Variants in FSTL5 observed in about 807,000 individuals in gnomAD.
FSTL5 encodes follistatin-related protein 5.
In FSTL5, 62 loss-of-function variants were observed where a neutral mutation model predicts 89.1. The ratio of observed to expected loss-of-function variants is 0.70; its 90% CI spans 0.57 to 0.86. FSTL5 has a LOEUF of 0.86. Among genes scored for constraint, FSTL5 ranks in the 40% least tolerant of loss-of-function variants. The pLI is 0.00. For missense variants in FSTL5, 1,057 were observed against 1,001.6 expected (o/e 1.06, Z -0.75); for synonymous variants, 383 against 346.2 (o/e 1.11, Z -1.18).
intron 7 of FSTL5, among the ~76,000 whole-genome samples, chr4:161,641,740 T>G (rs1322540383): frequency 6.6e-6 from 1 of 152,282 alleles, no homozygotes; most frequent in Non-Finnish European, 1.5e-5. Flanking sequence ...TCTGCCCGCC[T>G]TGGCCTCCCA....
chr4:162,002,606 A>T (rs1736497366), intron 3 of FSTL5, among the ~76,000 whole-genome samples: 2 of 152,242 alleles, frequency 1.3e-5, no homozygotes, highest in Admixed American at 1.3e-4. Context: ...GAGGAATGCT[A>T]GTTTCTAGTT....
intron 4 of FSTL5, among the ~76,000 whole-genome samples, chr4:161,875,013 C>T (rs1351058260): frequency 1.3e-5 from 2 of 152,082 alleles, no homozygotes; most frequent in Non-Finnish European, 2.9e-5. Context: ...AACTTTTGTT[C>T]TTTCATCACA....
At chr4:162,090,810 A>AAC (rs750164662) in intron 2 of FSTL5, among the ~76,000 whole-genome samples, 56 of 151,114 alleles carry the variant, frequency 3.7e-4, no homozygotes, top group East Asian at 2.7e-3. Context: ...CAGAGCCAGA[A>AAC]ACACACACAC....
chr4:161,644,534 A>AAG (rs1736078825), intron 7 of FSTL5, among the ~76,000 whole-genome samples: 1 of 152,060 alleles, frequency 6.6e-6, no homozygotes, highest in Non-Finnish European at 1.5e-5. Context: ...CTCAAAAAAA[A>AAG]AAAAAAGAAC....
At chr4:162,008,944 G>A (rs2111125108) in intron 3 of FSTL5, among the ~76,000 whole-genome samples, 1 of 152,078 alleles carries the variant, frequency 6.6e-6, no homozygotes, top group African/African-American at 2.4e-5. Context: ...ATACTTAACT[G>A]TGTAGACAAA....
At chr4:161,585,683 T>C (rs1733588897) in intron 8 of FSTL5, among the ~76,000 whole-genome samples, 1 of 151,144 alleles carries the variant, frequency 6.6e-6, no homozygotes, top group Non-Finnish European at 1.5e-5. Flanking sequence ...GGACCAGACG[T>C]GCAAGAACAA....
chr4:161,441,357 T>C (rs79572618), intron 15 of FSTL5, among the ~76,000 whole-genome samples: 1,941 of 152,260 alleles, frequency 0.013, 41 homozygotes, highest in African/African-American at 0.044. Flanking sequence ...TAATGTCAAC[T>C]GCAGATGATA....
chr4:161,804,053 G>A (rs531457501), intron 4 of FSTL5, among the ~76,000 whole-genome samples: 69 of 152,014 alleles, frequency 4.5e-4, no homozygotes, highest in African/African-American at 1.6e-3. Flanking sequence ...AACACCCTTA[G>A]CTCCTCTGTG....
intron 4 of FSTL5, among the ~76,000 whole-genome samples, chr4:161,878,213 A>G (rs894398645): frequency 1.1e-4 from 17 of 152,116 alleles, no homozygotes. Context: ...TACTTCCTAA[A>G]TTGCCTTTTA....
intron 7 of FSTL5, among the ~76,000 whole-genome samples, chr4:161,588,844 G>C (rs1310857193): frequency 6.6e-6 from 1 of 151,872 alleles, no homozygotes; most frequent in Non-Finnish European, 1.5e-5. Flanking sequence ...GGAAAGAGCA[G>C]GTCTGAAGCT....
At chr4:162,003,072 A>T (rs1290749389) in intron 3 of FSTL5, among the ~76,000 whole-genome samples, 3 of 152,066 alleles carry the variant, frequency 2.0e-5, no homozygotes, top group Admixed American at 1.3e-4. Context: ...TGAAACCAGG[A>T]GGTGGAGCTT....
At chr4:161,470,280 T>C (rs1560910406) in intron 13 of FSTL5, among the ~76,000 whole-genome samples, 1 of 152,124 alleles carries the variant, frequency 6.6e-6, no homozygotes, top group Non-Finnish European at 1.5e-5. Flanking sequence ...TTTATGGTGT[T>C]ATGTAAGGTT....
At chr4:162,063,731 C>G (rs1223738050) in intron 2 of FSTL5, among the ~76,000 whole-genome samples, 1 of 151,884 alleles carries the variant, frequency 6.6e-6, no homozygotes, top group Admixed American at 6.6e-5. Context: ...ATACAACAAA[C>G]TCCTTATTTT....
intron 13 of FSTL5, among the ~76,000 whole-genome samples, chr4:161,465,948 CAATT>C (rs1733734607): frequency 6.6e-6 from 1 of 152,112 alleles, no homozygotes; most frequent in African/African-American, 2.4e-5. Flanking sequence ...AAATTGTACT[CAATT>C]AATAGTAGTG....
At chr4:161,461,697 T>G (rs1427825485) in intron 13 of FSTL5, among the ~76,000 whole-genome samples, 2 of 152,080 alleles carry the variant, frequency 1.3e-5, no homozygotes, top group Non-Finnish European at 1.5e-5. Flanking sequence ...TTAAATTTTT[T>G]CATGTACTAA....
At chr4:162,147,020 G>T (rs1733028067) in intron 1 of FSTL5, among the ~76,000 whole-genome samples, 1 of 151,974 alleles carries the variant, frequency 6.6e-6, no homozygotes, top group African/African-American at 2.4e-5. Context: ...GACCTCAAGT[G>T]ATCTGCCCCC....
At chr4:161,834,534 A>T (rs1356070326) in intron 4 of FSTL5, among the ~76,000 whole-genome samples, 1 of 152,188 alleles carries the variant, frequency 6.6e-6, no homozygotes, top group East Asian at 1.9e-4. Context: ...AGATGACATG[A>T]TTGTATATCT....
At position 162,033,991 on chromosome 4, in the gene FSTL5, G is replaced by A. The variant is rs571359309; in HGVS notation, c.127-333C>T. 3.3e-5 allele frequency among the ~76,000 whole-genome samples: 5 copies of A among 151,878 alleles called. No individual in the cohort carries two copies. The South Asian group carries it at 1.0e-3, about 32-fold the overall frequency. ...TATCTTTTTTATTTTTTGTAGAGAC[G>A]AGGCTTCCTTATTTTGCCCAGGTTG... On this transcript the variant is annotated intron_variant, in intron 2 of 15. Coordinates refer to ENST00000306100, the MANE Select transcript of FSTL5 (RefSeq NM_020116.5).
At chr4:161,468,087 T>C (rs1733807062) in intron 13 of FSTL5, among the ~76,000 whole-genome samples, 1 of 152,104 alleles carries the variant, frequency 6.6e-6, no homozygotes. Context: ...ACTCTCCTTC[T>C]TTCTAGCAAG....
Sources: allele counts gnomAD v4.1 joint callset (sites outside exome capture counted in the v4.1 genomes callset), GRCh38; gene constraint gnomAD v4.1.1; transcripts MANE v1.5; gene names NCBI Gene and HGNC (gene_info 2026-07-23, HGNC 2026-07-21).